The following SLC39A9 variants were observed in gnomAD, a reference collection of about 807,000 sequenced individuals.
The protein encoded by SLC39A9 is solute carrier family 39 member 9.
SLC39A9 carries 14 observed loss-of-function variants against 28.4 expected under a neutral mutation model. The observed-to-expected ratio is 0.49, with a 90% CI of 0.33 to 0.77. The LOEUF is 0.77. SLC39A9 is among the 30% of genes least tolerant of loss of function. SLC39A9 has a pLI of 0.02. For missense variants in SLC39A9, 283 were observed against 381.1 expected, an observed-to-expected ratio of 0.74 and a Z score of 2.14; for synonymous variants, 119 against 149.6, an observed-to-expected ratio of 0.80 and a Z score of 1.49.
intron 2 of SLC39A9, among the ~76,000 whole-genome samples, chr14:69,425,681 G>A (rs1488688852): frequency 2.0e-5 from 3 of 150,686 alleles, no homozygotes; most frequent in Non-Finnish European, 4.4e-5. Flanking sequence ...TTATTTGTTT[G>A]TTTTGAGACA....
At chr14:69,451,952 G>A (rs779776163) in intron 3 of SLC39A9, among the ~76,000 whole-genome samples, 101 of 152,162 alleles carry the variant, frequency 6.6e-4, no homozygotes, top group Non-Finnish European at 9.3e-4. Flanking sequence ...CTGGCCTCAA[G>A]TGATCCTCCC....
At chr14:69,457,277 A>T (rs1885911545) in intron 6 of SLC39A9, among the ~76,000 whole-genome samples, 1 of 151,756 alleles carries the variant, frequency 6.6e-6, no homozygotes, top group South Asian at 2.1e-4. Flanking sequence ...ATCTTGGCTC[A>T]CTGCAACCTC....
chr14:69,456,564 C>G (rs573696699), intron 6 of SLC39A9, among the ~76,000 whole-genome samples: 86 of 152,250 alleles, frequency 5.6e-4, no homozygotes, highest in African/African-American at 2.0e-3. Flanking sequence ...TAGCTTCAGA[C>G]CTGAGGTAAC....
At chr14:69,433,698 C>G (rs915122246) in intron 2 of SLC39A9, among the ~76,000 whole-genome samples, 5 of 152,058 alleles carry the variant, frequency 3.3e-5, no homozygotes, top group Non-Finnish European at 5.9e-5. Context: ...GATTTATTTC[C>G]TCGTACTTTT....
At position 69,413,215 on chromosome 14, in the gene SLC39A9, G is replaced by C. The variant is rs148881961; in HGVS notation, c.97-10879G>C. The stretch of plus-strand genomic sequence containing the variant: ...ACTAAAAATACAAAAAATAAGCCAG[G>C]CATGGTGGCAGGCACGTGTAGTCCC... On this transcript the variant is annotated intron_variant, in intron 1 of 6. Transcript: ENST00000336643. 1.7e-3 allele frequency among the ~76,000 whole-genome samples: 258 copies of C among 152,236 alleles called. 5 individuals are homozygous for C. The East Asian group carries it at 0.044, about 26-fold the overall frequency.
rs1398776063 is a variant in SLC39A9 at position 69,455,740 on chromosome 14, T to C, written c.567T>C (p.Ala189=). The change falls in exon 6 of 7, where the codon GCT becomes GCC. Residue 189 remains alanine, a synonymous_variant. Coordinates refer to ENST00000336643, the MANE Select transcript of SLC39A9 (RefSeq NM_018375.5). The stretch of plus-strand genomic sequence containing the variant: ...TGATTTTTTATTTCCAGGCACCAGC[T>C]GCTTTTGGACTGGTTTCCTTCTTGA... ...FVAIMLHKAP[A]AFGLVSFLMH... 1 of 1,614,066 alleles carries C rather than the reference T, an allele frequency of 6.2e-7. No homozygotes were observed. Among genetic ancestry groups the C allele is most frequent in the African/African-American group, 1.3e-5 (1 of 74,950 alleles).
chr14:69,459,922 T>C lies in SLC39A9; in HGVS notation c.*1329T>C. On this transcript the variant is annotated 3_prime_UTR_variant, in exon 7 of 7. Coordinates refer to ENST00000336643, the MANE Select transcript of SLC39A9 (RefSeq NM_018375.5). ...CCCCTTCAAAGAAATTACCTTTGTG[T>C]CAAATGCCGCTTTGTTGAGCCCTTA... The C allele has an allele frequency of 1.0e-6, 1 of 985,648 alleles. No homozygotes were observed. The highest frequency in any genetic ancestry group is 4.7e-5 in the South Asian group (1 of 21,286). 61.1% of individuals were successfully genotyped at this position (985,648 alleles called of 1,614,324 possible). A position where few individuals can be genotyped will look rare whatever the true frequency, so the allele number is the denominator to read the frequency against.
At chr14:69,404,616 T>A (rs892236975) in intron 1 of SLC39A9, among the ~76,000 whole-genome samples, 2 of 152,160 alleles carry the variant, frequency 1.3e-5, no homozygotes, top group Admixed American at 6.5e-5. Context: ...GGGAAGCTCC[T>A]CCCCCTCCTC....
At position 69,461,164 on chromosome 14, in the gene SLC39A9, T is replaced by C. The variant is rs1356911048; in HGVS notation, c.*2571T>C. 8.1e-6 allele frequency: 8 copies of C among 987,154 alleles called. No individual in the cohort carries two copies. The highest frequency in any genetic ancestry group is 9.6e-6 in the Non-Finnish European group (8 of 831,146). 61.1% of individuals were successfully genotyped at this position (987,154 alleles called of 1,614,324 possible). On this transcript the variant is annotated 3_prime_UTR_variant, in exon 7 of 7. Transcript: ENST00000336643. ...ATTATTGGCTACCAAAGAGACGCAA[T>C]TGATGATGAGAAGCATGATTCTTGC...
chr14:69,435,011 A>C (rs762900229), intron 2 of SLC39A9, among the ~76,000 whole-genome samples: 3 of 152,192 alleles, frequency 2.0e-5, no homozygotes, highest in Non-Finnish European at 4.4e-5. Flanking sequence ...GGTCCAGAAT[A>C]TGGTTTATCT....
chr14:69,458,745 G>A lies in SLC39A9; in HGVS notation c.*152G>A. 1 of 1,382,942 alleles carries A rather than the reference G, an allele frequency of 7.2e-7. No individual in the cohort carries two copies. Among genetic ancestry groups the A allele is most frequent in the Non-Finnish European group, 9.3e-7 (1 of 1,069,586 alleles). 85.7% of individuals were successfully genotyped at this position (1,382,942 alleles called of 1,614,324 possible). ...CAGAGGGGAGGTGAGGTTAAAACCT[G>A]AGTAATGGAAAAGCTTTTAGAGTAG... On this transcript the variant is annotated 3_prime_UTR_variant, in exon 7 of 7. Coordinates refer to ENST00000336643, the MANE Select transcript of SLC39A9 (RefSeq NM_018375.5).
Position 69,460,972 on chromosome 14 carries a change from T to C in SLC39A9, c.*2379T>C, listed in dbSNP as rs1316248497. ...TGACTGGAGGAAGAGCTTGCTGGCA[T>C]GGTGGGCAGTATTCCAGGAGAGGCC... is the stretch of plus-strand genomic sequence containing the variant. On this transcript the variant is annotated 3_prime_UTR_variant, in exon 7 of 7. Transcript: ENST00000336643. The C allele has an allele frequency of 8.1e-6, 8 of 985,472 alleles. No homozygotes were observed. Among genetic ancestry groups the C allele is most frequent in the Non-Finnish European group, 9.6e-6 (8 of 830,078 alleles). 61.0% of individuals were successfully genotyped at this position (985,472 alleles called of 1,614,324 possible).
At chr14:69,456,023 G>A (rs949348288) in intron 6 of SLC39A9, among the ~76,000 whole-genome samples, 157 bp downstream of exon 6, 10 of 152,218 alleles carry the variant, frequency 6.6e-5, no homozygotes, top group Admixed American at 2.6e-4. Flanking sequence ...ATTCCAATGC[G>A]TCCTCTTCAT....
At chr14:69,430,809 G>A (rs1165301908) in intron 2 of SLC39A9, among the ~76,000 whole-genome samples, 1 of 151,662 alleles carries the variant, frequency 6.6e-6, no homozygotes, top group Non-Finnish European at 1.5e-5. Flanking sequence ...TATTTAAACT[G>A]TTTATATAGA....
chr14:69,419,114 T>C (rs1403517559), intron 1 of SLC39A9, among the ~76,000 whole-genome samples: 1 of 152,230 alleles, frequency 6.6e-6, no homozygotes, highest in Non-Finnish European at 1.5e-5. Context: ...TTTAGATCTT[T>C]CCTGCTTTCT....
intron 3 of SLC39A9, among the ~76,000 whole-genome samples, chr14:69,446,159 A>T (rs543911624): frequency 6.6e-6 from 1 of 152,142 alleles, no homozygotes; most frequent in South Asian, 2.1e-4. Flanking sequence ...TGGAAGAAGG[A>T]ACACACAAGT....
rs1886070022 is a variant in SLC39A9 at position 69,460,569 on chromosome 14, T to C, written c.*1976T>C. The C allele has an allele frequency of 1.0e-6, 1 of 985,300 alleles. No individual in the cohort carries two copies. The highest frequency in any genetic ancestry group is 1.2e-6 in the Non-Finnish European group (1 of 829,914). 61.0% of individuals were successfully genotyped at this position (985,300 alleles called of 1,614,324 possible). Reference sequence around the variant, plus strand: ...GTAGTGTCTGGTTTGGTTTGGACAGTAGTGCTTTCTATCATATTGTTGTGT... The same window carrying C: ...GTAGTGTCTGGTTTGGTTTGGACAGCAGTGCTTTCTATCATATTGTTGTGT... On this transcript the variant is annotated 3_prime_UTR_variant, in exon 7 of 7. Transcript: ENST00000336643.
intron 1 of SLC39A9, among the ~76,000 whole-genome samples, chr14:69,402,319 G>A (rs1019782664): frequency 6.6e-5 from 10 of 151,896 alleles, no homozygotes; most frequent in Admixed American, 2.0e-4. Flanking sequence ...GGTTGCATGC[G>A]GCCCACGAGC....
Position 69,406,383 on chromosome 14 carries a change from C to G in SLC39A9, c.96+6918C>G, listed in dbSNP as rs146979671. The stretch of plus-strand genomic sequence containing the variant: ...CAGGTTAGTCGTAAATTGTGCTGTT[C>G]AAGAAGTGACATCCTTTTCAAGAGA... On this transcript the variant is annotated intron_variant, in intron 1 of 6. Coordinates refer to ENST00000336643, the MANE Select transcript of SLC39A9 (RefSeq NM_018375.5). Among the ~76,000 whole-genome samples, 23 of 152,298 alleles carry G rather than the reference C, an allele frequency of 1.5e-4. No homozygotes were observed. The East Asian group carries it at 4.4e-3, about 29-fold the overall frequency.
Sources: allele counts gnomAD v4.1 joint callset (sites outside exome capture counted in the v4.1 genomes callset), GRCh38; gene constraint gnomAD v4.1.1; transcripts MANE v1.5; gene names NCBI Gene and HGNC (gene_info 2026-07-23, HGNC 2026-07-21).